AFF3: variants seen among roughly 807,000 people sequenced by gnomAD.
AFF3 encodes ALF transcription elongation factor 3, also known as AF4/FMR2 family member 3.
AFF3 carries 32 observed loss-of-function variants against 129.7 expected under a neutral mutation model. The observed-to-expected ratio is 0.25, with a 90% confidence interval of 0.19 to 0.33. The LOEUF (loss-of-function observed/expected upper bound fraction) is 0.33. Among genes scored for constraint, AFF3 ranks in the 10% least tolerant of loss-of-function variants. AFF3 has a pLI of 1.00. For synonymous variants in AFF3, 644 were observed against 635.4 expected, an observed-to-expected ratio of 1.01 and a Z score of -0.20; for missense variants, 1,373 against 1,592.0, an observed-to-expected ratio of 0.86 and a Z score of 2.34.
chr2:99,777,947 CAAAAAAAAAAAA>C (rs576434643), intron 8 of AFF3, among the ~76,000 whole-genome samples: 192 of 48,330 alleles, frequency 4.0e-3, no homozygotes, highest in South Asian at 5.1e-3. Flanking sequence ...AAAGCAAAAG[CAAAAAAAAAAAA>C]AAAAAAAAAA....
At chr2:99,847,038 G>A (rs1402633555) in intron 7 of AFF3, among the ~76,000 whole-genome samples, 1 of 152,138 alleles carries the variant, frequency 6.6e-6, no homozygotes, top group Non-Finnish European at 1.5e-5. Flanking sequence ...TGAGAGGTGG[G>A]AGCAGGTAGC....
At chr2:100,006,504 T>C in intron 7 of AFF3, 128 bp downstream of exon 7, 1 of 1,236,920 alleles carries the variant, frequency 8.1e-7, no homozygotes, top group Admixed American at 2.4e-5. Flanking sequence ...CAGTGACTGC[T>C]ACAAATCCTA....
rs780306052 is a variant in AFF3 at position 99,593,459 on chromosome 2, G to T, written c.2202C>A (p.Ile734=). Residue 734 remains isoleucine, a synonymous_variant, in exon 15 of 25, where the codon ATC becomes ATA. Transcript: ENST00000672756. ...GSINARTTSD[I]AKELEEQFYT... is the part of the protein sequence containing the mutation. Reference sequence around the variant, plus strand: ...AGAACTGCTCCTCCAGCTCCTTGGCGATGTCACTGGTGGTCCTGGCGTTGA... The same window carrying T: ...AGAACTGCTCCTCCAGCTCCTTGGCTATGTCACTGGTGGTCCTGGCGTTGA... 1 of 1,613,778 alleles carries T rather than the reference G, an allele frequency of 6.2e-7. No homozygotes were observed. Among genetic ancestry groups the T allele is most frequent in the Non-Finnish European group, 8.5e-7 (1 of 1,179,958 alleles).
intron 4 of AFF3, among the ~76,000 whole-genome samples, chr2:100,021,182 G>A (rs1683561380): frequency 6.6e-6 from 1 of 152,102 alleles, no homozygotes; most frequent in Non-Finnish European, 1.5e-5. Flanking sequence ...CACTCTCCCC[G>A]ATAATGGCAC....
chr2:100,031,657 A>T (rs896911249), intron 4 of AFF3, among the ~76,000 whole-genome samples: 25 of 152,246 alleles, frequency 1.6e-4, no homozygotes, highest in African/African-American at 5.5e-4. Context: ...GAAAATGCTC[A>T]CAACAACAAT....
At chr2:99,837,887 C>T (rs1689015009) in intron 7 of AFF3, among the ~76,000 whole-genome samples, 1 of 152,176 alleles carries the variant, frequency 6.6e-6, no homozygotes, top group East Asian at 1.9e-4. Flanking sequence ...TCCGCTACAA[C>T]AGTGGATCCA....
Position 99,953,048 on chromosome 2 carries a change from C to T in AFF3, c.873+53584G>A, listed in dbSNP as rs551625453. Among the ~76,000 whole-genome samples the T allele has an allele frequency of 3.3e-5, 5 of 152,286 alleles. No individual in the cohort carries two copies. The South Asian group carries it at 6.2e-4, about 19-fold the overall frequency. On this transcript the variant is annotated intron_variant, in intron 7 of 24. Transcript: ENST00000672756. ...GTAAGCACCAAGTGCTAGTCTTTAC[C>T]GGGAACATCAAACACCAACTGGTGC...
intron 4 of AFF3, among the ~76,000 whole-genome samples, chr2:100,025,137 T>C (rs918011686): frequency 6.6e-6 from 1 of 152,046 alleles, no homozygotes; most frequent in Non-Finnish European, 1.5e-5. Context: ...GGATCCTGGC[T>C]TTCCCTACCA....
At chr2:99,748,285 C>T (rs1397336194) in intron 9 of AFF3, among the ~76,000 whole-genome samples, 1 of 152,202 alleles carries the variant, frequency 6.6e-6, no homozygotes, top group African/African-American at 2.4e-5. Flanking sequence ...TTCTGTCTCA[C>T]CAGCCTTCTC....
At chr2:99,687,801 G>A (rs1375394465) in intron 11 of AFF3, among the ~76,000 whole-genome samples, 1 of 152,212 alleles carries the variant, frequency 6.6e-6, no homozygotes, top group Non-Finnish European at 1.5e-5. Context: ...GGATCTCACA[G>A]CAGAATGATA....
chr2:100,125,561 G>A (rs1468958690), intron 2 of AFF3, among the ~76,000 whole-genome samples: 3 of 152,166 alleles, frequency 2.0e-5, no homozygotes, highest in Non-Finnish European at 2.9e-5. Flanking sequence ...GGTACTGGAG[G>A]TGAAGAGAAG....
At chr2:100,135,287 A>T (rs1692591072) in intron 1 of AFF3, among the ~76,000 whole-genome samples, 1 of 152,184 alleles carries the variant, frequency 6.6e-6, no homozygotes, top group Non-Finnish European at 1.5e-5. Context: ...CTCCCTCAGG[A>T]GGTGGAACCT....
chr2:99,867,000 TAAAA>T (rs71376497), intron 7 of AFF3, among the ~76,000 whole-genome samples: 10,917 of 118,742 alleles, frequency 0.092, 515 homozygotes, highest in Middle Eastern at 0.17. Context: ...ATAATAATAA[TAAAA>T]AATAAATAAA....
At chr2:99,837,326 G>T in intron 8 of AFF3, 151 bp downstream of exon 8, 1 of 695,052 alleles carries the variant, frequency 1.4e-6, no homozygotes. Flanking sequence ...GTTAACAGAA[G>T]TGTTGTTTCA....
At chr2:100,047,415 G>A (rs1685922799) in intron 4 of AFF3, among the ~76,000 whole-genome samples, 3 of 152,140 alleles carry the variant, frequency 2.0e-5, no homozygotes, top group Non-Finnish European at 2.9e-5. Flanking sequence ...CCAAGGAGAC[G>A]GTGAGTTCCA....
chr2:99,594,352 C>A (rs919358203), intron 14 of AFF3, 63 bp from the exon 15 acceptor site: 4 of 1,533,714 alleles, frequency 2.6e-6, no homozygotes, highest in Non-Finnish European at 3.5e-6. Context: ...TAAAAGGGGC[C>A]TGGCTGTTTT....
intron 4 of AFF3, among the ~76,000 whole-genome samples, chr2:100,079,845 G>A (rs1361005401): frequency 6.6e-6 from 1 of 152,134 alleles, no homozygotes; most frequent in African/African-American, 2.4e-5. Context: ...TGGGTCAATA[G>A]ACTCACCACA....
chr2:99,673,697 G>A (rs1558731918), intron 11 of AFF3, among the ~76,000 whole-genome samples: 2 of 152,178 alleles, frequency 1.3e-5, no homozygotes, highest in Admixed American at 1.3e-4. Flanking sequence ...TCCAAAGGCT[G>A]TCCCCTAAAA....
intron 7 of AFF3, among the ~76,000 whole-genome samples, chr2:99,987,241 T>A (rs182637612): frequency 6.6e-6 from 1 of 152,284 alleles, no homozygotes; most frequent in African/African-American, 2.4e-5. Context: ...AAGACAGGGG[T>A]ACGGAGAACT....
Sources: gnomAD v4.1 joint callset for allele counts (sites outside exome capture counted in the v4.1 genomes callset) on GRCh38, gnomAD v4.1.1 for gene constraint, MANE v1.5 for transcripts, NCBI Gene and HGNC (gene_info 2026-07-23, HGNC 2026-07-21) for gene names.